EGFR: variants seen among roughly 807,000 people sequenced by gnomAD.
The protein encoded by EGFR is epidermal growth factor receptor.
A neutral mutation model predicts 143.0 loss-of-function variants in EGFR; 58 were observed. The ratio of observed to expected loss-of-function variants is 0.41; its 90% CI spans 0.33 to 0.50. The LOEUF is 0.50. EGFR is among the 20% of genes least tolerant of loss of function. The probability of loss-of-function intolerance (pLI) is 0.39; values close to 1 mark genes in which losing one functional copy is unlikely to be tolerated. For missense variants in EGFR, 1,307 were observed against 1,579.0 expected (o/e 0.83, Z 2.92); for synonymous variants, 613 against 594.4 (o/e 1.03, Z -0.45).
At chr7:55,202,743 T>A in intron 27 of EGFR, 118 bp downstream of exon 27, 1 of 912,974 alleles carries the variant, frequency 1.1e-6, no homozygotes, top group Non-Finnish European at 1.8e-6. Context: ...GGGGAAACAG[T>A]GGCAGATTTG....
At chr7:55,191,577 AT>A in intron 20 of EGFR, 141 bp from the exon 21 acceptor site, 1 of 1,022,860 alleles carries the variant, frequency 9.8e-7, no homozygotes. Context: ...CATTCTTTGG[AT>A]CAGTAGTCAC....
intron 15 of EGFR, chr7:55,170,477 G>A (rs777184524): frequency 2.9e-5 from 46 of 1,613,976 alleles, no homozygotes; most frequent in Non-Finnish European, 3.7e-5. Flanking sequence ...CTGGGTTGGG[G>A]TGGATGCAGC....
intron 1 of EGFR, among the ~76,000 whole-genome samples, chr7:55,035,390 G>A (rs1365735378): frequency 1.3e-5 from 2 of 152,010 alleles, no homozygotes; most frequent in Non-Finnish European, 1.5e-5. Flanking sequence ...ATGGCCGAGT[G>A]TGGTGGCTCA....
intron 8 of EGFR, 94 bp from the exon 9 acceptor site, chr7:55,156,439 C>T (rs1451727864): frequency 9.5e-6 from 15 of 1,573,112 alleles, no homozygotes; most frequent in South Asian, 4.5e-5. Context: ...TTCCGGTGAC[C>T]GGAATTCCTT....
At chr7:55,063,216 CT>C (rs1562681798) in intron 1 of EGFR, among the ~76,000 whole-genome samples, 7 of 152,236 alleles carry the variant, frequency 4.6e-5, no homozygotes, top group Admixed American at 3.9e-4. Context: ...CCTCATTAAA[CT>C]GGCTCCCTTC....
chr7:55,166,669 G>T (rs1185405674), intron 15 of EGFR, among the ~76,000 whole-genome samples: 3 of 140,832 alleles, frequency 2.1e-5, no homozygotes, highest in Non-Finnish European at 4.8e-5. Flanking sequence ...GTGGTGAGGA[G>T]GTGGGAGTCA....
At chr7:55,066,473 G>A (rs1429083766) in intron 1 of EGFR, among the ~76,000 whole-genome samples, 2 of 152,094 alleles carry the variant, frequency 1.3e-5, no homozygotes, top group Non-Finnish European at 2.9e-5. Flanking sequence ...GTCAGCCTGC[G>A]GCACACAAGT....
rs374409754 is a variant in EGFR at position 55,204,185 on chromosome 7, GACAC to G, written c.3272-1066_3272-1063del. On this transcript the variant is annotated intron_variant, in intron 27 of 27. Coordinates refer to ENST00000275493, the MANE Select transcript of EGFR (RefSeq NM_005228.5). Reference sequence around the variant, plus strand: ...CACACACATACACACAGACACACACGACACACACCATACACATGTACACACACAC... The same window carrying G: ...CACACACATACACACAGACACACACGACACCATACACATGTACACACACAC... Among the ~76,000 whole-genome samples, 129 of 142,110 alleles carry G rather than the reference GACAC, an allele frequency of 9.1e-4. 1 individual carries two copies. In the East Asian group the frequency reaches 0.026, roughly 29 times the overall value. 93.2% of individuals were successfully genotyped at this position (142,110 alleles called of 152,430 possible).
intron 1 of EGFR, among the ~76,000 whole-genome samples, chr7:55,073,639 A>G (rs186491294): frequency 2.1e-4 from 32 of 152,346 alleles, no homozygotes; most frequent in South Asian, 2.1e-4. Flanking sequence ...ATTTATAGCT[A>G]TTAATACTTC....
chr7:55,078,207 G>C (rs981905350), intron 1 of EGFR, among the ~76,000 whole-genome samples: 4 of 152,028 alleles, frequency 2.6e-5, no homozygotes, highest in African/African-American at 9.7e-5. Context: ...GCAGGGAGGG[G>C]ATGAGGACCA....
chr7:55,142,525 T>G, intron 2 of EGFR, 88 bp downstream of exon 2: 1 of 1,535,646 alleles, frequency 6.5e-7, no homozygotes, highest in Non-Finnish European at 8.9e-7. Context: ...TGAAGTGTGT[T>G]TATTTTTGCT....
chr7:55,051,773 CCACCCTAT>C (rs1463637278), intron 1 of EGFR, among the ~76,000 whole-genome samples: 1 of 152,156 alleles, frequency 6.6e-6, no homozygotes, highest in African/African-American at 2.4e-5. Context: ...CAGGGTCATG[CCACCCTAT>C]CACCCACTGG....
In EGFR at chr7:55,047,303, G is replaced by A. The variant is rs115629917; in HGVS notation, c.88+27938G>A. 4.6e-3 allele frequency among the ~76,000 whole-genome samples: 702 copies of A among 152,340 alleles called. 9 individuals carry two copies. Among genetic ancestry groups the A allele is most frequent in the African/African-American group, 0.014 (583 of 41,576 alleles). On this transcript the variant is annotated intron_variant, in intron 1 of 27. Coordinates refer to ENST00000275493, the MANE Select transcript of EGFR (RefSeq NM_005228.5). The stretch of plus-strand genomic sequence containing the variant: ...CAGAACACCTAGTACACGAATTTCA[G>A]TTTAGAGGACGAAGCATTACTGGAG...
At position 55,181,513 on chromosome 7, in the gene EGFR, A is replaced by G. The variant is rs573500073; in HGVS notation, c.2469+35A>G. The G allele has an allele frequency of 2.5e-6, 4 of 1,614,012 alleles. No individual in the cohort carries two copies. In the Admixed American group the frequency reaches 6.7e-5, roughly 27 times the overall value. ...GAAGGGAGATACGGGGAGGGGAGAT[A>G]AGGAGCCAGGATCCTCACATGCGGT... is the stretch of plus-strand genomic sequence containing the variant. On this transcript the variant is annotated intron_variant, in intron 20 of 27. Transcript: ENST00000275493.
At chr7:55,133,525 A>G (rs959205674) in intron 1 of EGFR, among the ~76,000 whole-genome samples, 3 of 152,242 alleles carry the variant, frequency 2.0e-5, no homozygotes, top group African/African-American at 7.2e-5. Flanking sequence ...ATTTTCCAGC[A>G]GTGATCTTTG....
intron 24 of EGFR, 162 bp downstream of exon 24, chr7:55,200,575 C>A (rs139068680): frequency 1.4e-6 from 1 of 737,628 alleles, no homozygotes; most frequent in Non-Finnish European, 2.4e-6. Context: ...CAGGCCACAT[C>A]GTGAACTAAG....
chr7:55,122,159 G>T (rs541256622), intron 1 of EGFR, among the ~76,000 whole-genome samples: 2 of 152,118 alleles, frequency 1.3e-5, no homozygotes, highest in Non-Finnish European at 2.9e-5. Context: ...TCCAGTCTTC[G>T]GGCCACATTT....
Position 55,112,185 on chromosome 7 carries a change from G to A in EGFR, c.89-30101G>A, listed in dbSNP as rs143394620. 5.5e-3 allele frequency among the ~76,000 whole-genome samples: 831 copies of A among 152,346 alleles called. 5 individuals are homozygous for A. The highest frequency in any genetic ancestry group is 0.02 in the Middle Eastern group (6 of 294). On this transcript the variant is annotated intron_variant, in intron 1 of 27. Coordinates refer to ENST00000275493, the MANE Select transcript of EGFR (RefSeq NM_005228.5). ...CTTAGACAGCAGTTCTGCAGTCGGC[G>A]TCTCACCCCTTCGGGTCTCATTGTG...
chr7:55,074,204 A>G (rs1790004405), intron 1 of EGFR, among the ~76,000 whole-genome samples: 1 of 152,184 alleles, frequency 6.6e-6, no homozygotes, highest in East Asian at 1.9e-4. Flanking sequence ...CTTCCTGCTC[A>G]CTCTGAGTCA....
Sources: allele counts gnomAD v4.1 joint callset (sites outside exome capture counted in the v4.1 genomes callset), GRCh38; gene constraint gnomAD v4.1.1; transcripts MANE v1.5; gene names NCBI Gene and HGNC (gene_info 2026-07-23, HGNC 2026-07-21).